SLC25A26: variants seen among roughly 807,000 people sequenced by gnomAD.
SLC25A26 encodes mitochondrial S-adenosylmethionine carrier protein.
SLC25A26 carries 36 observed loss-of-function variants against 37.8 expected under a neutral mutation model. The observed-to-expected ratio is 0.95, with a 90% CI of 0.73 to 1.26. The LOEUF (loss-of-function observed/expected upper bound fraction) is 1.26, where lower values mean the gene tolerates loss of function less well. SLC25A26 is among the 50% of genes most tolerant of loss of function. The pLI, the probability that SLC25A26 is intolerant of heterozygous loss-of-function variation, is 0.00. For missense variants in SLC25A26, 390 were observed against 331.1 expected, an observed-to-expected ratio of 1.18 and a Z score of -1.38; for synonymous variants, 129 against 122.5, an observed-to-expected ratio of 1.05 and a Z score of -0.35.
intron 5 of SLC25A26, among the ~76,000 whole-genome samples, chr3:66,281,522 C>G (rs2074336771): frequency 6.6e-6 from 1 of 152,024 alleles, no homozygotes; most frequent in Non-Finnish European, 1.5e-5. Context: ...AGTTTCCTCC[C>G]TTGCCCTCCA....
chr3:66,303,027 C>T (rs774975438), intron 5 of SLC25A26, among the ~76,000 whole-genome samples: 7 of 152,172 alleles, frequency 4.6e-5, no homozygotes, highest in Non-Finnish European at 7.3e-5. Flanking sequence ...GGCCTCTACC[C>T]ACTAGATACC....
chr3:66,196,159 T>C (rs2106803279), intron 1 of SLC25A26, among the ~76,000 whole-genome samples: 1 of 152,240 alleles, frequency 6.6e-6, no homozygotes, highest in East Asian at 1.9e-4. Flanking sequence ...TTTTTTTCTC[T>C]AGACATAAGG....
upstream of SLC25A26, chr3:66,220,998 G>A (rs541490879): frequency 7.4e-7 from 1 of 1,354,456 alleles, no homozygotes; most frequent in Non-Finnish European, 1.0e-6. Context: ...GGAAGTTCAA[G>A]ACAGACCCGC....
chr3:66,371,803 A>G (rs1251901462), intron 9 of SLC25A26, among the ~76,000 whole-genome samples: 6 of 152,114 alleles, frequency 3.9e-5, no homozygotes, highest in Non-Finnish European at 8.8e-5. Context: ...GTAGCAGGTA[A>G]AAGGTGCTTA....
intron 5 of SLC25A26, among the ~76,000 whole-genome samples, chr3:66,321,486 T>G (rs761391687): frequency 6.6e-6 from 1 of 152,164 alleles, no homozygotes; most frequent in Non-Finnish European, 1.5e-5. Flanking sequence ...AACCCTTCCG[T>G]GTAGGGATTT....
chr3:66,269,736 T>C (rs2073889658), intron 5 of SLC25A26, among the ~76,000 whole-genome samples: 1 of 152,208 alleles, frequency 6.6e-6, no homozygotes, highest in Non-Finnish European at 1.5e-5. Context: ...AAAATAGTCC[T>C]AGCTCATAAG....
upstream of SLC25A26, among the ~76,000 whole-genome samples, chr3:66,217,259 A>G (rs1242401778): frequency 6.6e-6 from 1 of 152,228 alleles, no homozygotes; most frequent in Non-Finnish European, 1.5e-5. Flanking sequence ...CTCTTAGGGA[A>G]GGAATTACAT....
intron 5 of SLC25A26, among the ~76,000 whole-genome samples, chr3:66,297,244 C>T (rs1009497697): frequency 6.7e-6 from 1 of 149,396 alleles, no homozygotes; most frequent in Non-Finnish European, 1.5e-5. Flanking sequence ...AGGAGAATTG[C>T]TTGAATCCGG....
intron 5 of SLC25A26, among the ~76,000 whole-genome samples, chr3:66,338,517 T>G (rs999564433): frequency 6.6e-6 from 1 of 152,046 alleles, no homozygotes. Context: ...AAAAAAAATT[T>G]TTATATCGTG....
At chr3:66,252,011 A>G (rs2073104151) in intron 3 of SLC25A26, among the ~76,000 whole-genome samples, 1 of 152,180 alleles carries the variant, frequency 6.6e-6, no homozygotes, top group African/African-American at 2.4e-5. Flanking sequence ...TGATTTTCAT[A>G]TAGGTTGATG....
At chr3:66,153,752 TC>T (rs2070239056) in intron 1 of SLC25A26, among the ~76,000 whole-genome samples, 4 of 152,304 alleles carry the variant, frequency 2.6e-5, no homozygotes, top group Admixed American at 2.6e-4. Flanking sequence ...TGGCAGCTCT[TC>T]CCCTTGCTCC....
At chr3:66,268,309 A>G (rs2073834038) in intron 5 of SLC25A26, among the ~76,000 whole-genome samples, 1 of 152,188 alleles carries the variant, frequency 6.6e-6, no homozygotes, top group South Asian at 2.1e-4. Flanking sequence ...GGCATTTGTA[A>G]TTTTGGTAGA....
At chr3:66,366,165 T>C (rs1031001584) in intron 7 of SLC25A26, among the ~76,000 whole-genome samples, 1 of 152,220 alleles carries the variant, frequency 6.6e-6, no homozygotes. Context: ...GTGGAGACCA[T>C]AGAAAACTGT....
intron 5 of SLC25A26, among the ~76,000 whole-genome samples, chr3:66,337,857 A>G (rs1242114872): frequency 6.6e-6 from 1 of 152,046 alleles, no homozygotes; most frequent in Non-Finnish European, 1.5e-5. Context: ...ATTTATGTCT[A>G]TGCTCATTCT....
chr3:66,339,766 A>C (rs1044990576), intron 5 of SLC25A26, among the ~76,000 whole-genome samples: 3 of 152,004 alleles, frequency 2.0e-5, no homozygotes, highest in Non-Finnish European at 4.4e-5. Context: ...TTAACCCCTT[A>C]TCAGATACAT....
At chr3:66,362,779 C>A in intron 6 of SLC25A26, 81 bp from the exon 7 acceptor site, 1 of 881,304 alleles carries the variant, frequency 1.1e-6, no homozygotes, top group Non-Finnish European at 1.7e-6. Flanking sequence ...CTTAAGTTCC[C>A]ATCCCCAGAG....
At chr3:66,142,561 A>T (rs754610859) in intron 1 of SLC25A26, among the ~76,000 whole-genome samples, 3 of 152,214 alleles carry the variant, frequency 2.0e-5, no homozygotes, top group African/African-American at 7.2e-5. Flanking sequence ...TCGGAGAAGA[A>T]CCTGAACAAA....
chr3:66,241,751 G>T (rs2072595150), intron 2 of SLC25A26, among the ~76,000 whole-genome samples: 2 of 152,138 alleles, frequency 1.3e-5, no homozygotes, highest in African/African-American at 4.8e-5. Context: ...GAACTTCACT[G>T]TAGTTGATCA....
At chr3:66,304,618 C>G in intron 5 of SLC25A26, 3 of 334,440 alleles carry the variant, frequency 9.0e-6, no homozygotes, top group South Asian at 7.3e-5. Flanking sequence ...TTTCAGGAAA[C>G]CATCGAGGTG....
Sources: gnomAD v4.1 joint callset for allele counts (sites outside exome capture counted in the v4.1 genomes callset) on GRCh38, gnomAD v4.1.1 for gene constraint, MANE v1.5 for transcripts, NCBI Gene and HGNC (gene_info 2026-07-23, HGNC 2026-07-21) for gene names.